Variants in TRDN observed in about 807,000 individuals in gnomAD.
TRDN encodes triadin.
TRDN carries 161 observed loss-of-function variants against 149.7 expected under a neutral mutation model. The ratio of observed to expected loss-of-function variants is 1.08; its 90% CI spans 0.95 to 1.23. The LOEUF (loss-of-function observed/expected upper bound fraction) is 1.23. TRDN is among the 50% of genes most tolerant of loss of function. The probability of loss-of-function intolerance (pLI) is 0.00; values close to 1 mark genes in which losing one functional copy is unlikely to be tolerated. For synonymous variants in TRDN, 294 were observed against 250.5 expected, an observed-to-expected ratio of 1.17 and a Z score of -1.64; for missense variants, 896 against 823.5, an observed-to-expected ratio of 1.09 and a Z score of -1.08.
At chr6:123,610,850 C>T (rs73540813) in intron 1 of TRDN, among the ~76,000 whole-genome samples, 1,560 of 152,168 alleles carry the variant, frequency 0.01, 26 homozygotes, top group African/African-American at 0.036. Flanking sequence ...AGTGGGACTC[C>T]TAGAGTCTAA....
intron 10 of TRDN, chr6:123,440,852 A>C (rs1470377090): frequency 1.3e-5 from 2 of 152,194 alleles, no homozygotes; most frequent in Non-Finnish European, 2.9e-5. Context: ...TCTACCCTTC[A>C]AATTAATATA....
intron 28 of TRDN, 123 bp downstream of exon 28, chr6:123,273,214 T>C: frequency 2.3e-6 from 2 of 866,220 alleles, no homozygotes; most frequent in Non-Finnish European, 3.4e-6. Context: ...ACTATAGTTT[T>C]CAAAACACAG....
intron 2 of TRDN, among the ~76,000 whole-genome samples, chr6:123,550,454 A>T (rs1339478491): frequency 6.6e-6 from 1 of 152,108 alleles, no homozygotes; most frequent in Non-Finnish European, 1.5e-5. Flanking sequence ...GGATTGGATG[A>T]CGAGGATGTC....
intron 12 of TRDN, among the ~76,000 whole-genome samples, chr6:123,407,585 A>G (rs999312397): frequency 1.3e-5 from 2 of 151,914 alleles, no homozygotes; most frequent in Non-Finnish European, 2.9e-5. Flanking sequence ...AAATTCCCAT[A>G]TGCATCTTGT....
intron 9 of TRDN, among the ~76,000 whole-genome samples, chr6:123,487,828 A>T (rs186215378): frequency 1.2e-3 from 185 of 152,180 alleles, no homozygotes; most frequent in African/African-American, 4.4e-3. Context: ...ATTTCTCAGC[A>T]CTTAGTCAAA....
intron 18 of TRDN, 33 bp from the exon 19 acceptor site, chr6:123,375,664 TAATTACA>T: frequency 6.8e-7 from 1 of 1,473,862 alleles, no homozygotes; most frequent in Non-Finnish European, 9.1e-7. Flanking sequence ...AGGTCAACAG[TAATTACA>T]AATCTGCTTA....
chr6:123,343,006 G>A (rs1040107111), intron 21 of TRDN, among the ~76,000 whole-genome samples: 10 of 152,040 alleles, frequency 6.6e-5, no homozygotes, highest in African/African-American at 2.4e-4. Context: ...TCTTTACACA[G>A]TAACCTGATC....
chr6:123,576,031 C>CACTGT (rs1314428840), intron 1 of TRDN, among the ~76,000 whole-genome samples: 1 of 152,118 alleles, frequency 6.6e-6, no homozygotes, highest in African/African-American at 2.4e-5. Flanking sequence ...AGTACTCTTA[C>CACTGT]ACTGTATCTC....
At chr6:123,604,669 G>T (rs1583313135) in intron 1 of TRDN, among the ~76,000 whole-genome samples, 2 of 152,214 alleles carry the variant, frequency 1.3e-5, no homozygotes, top group Admixed American at 1.3e-4. Flanking sequence ...GAGAGAAAGA[G>T]ATGGAATTTT....
chr6:123,634,333 T>C (rs986604483), intron 1 of TRDN, among the ~76,000 whole-genome samples: 5 of 151,818 alleles, frequency 3.3e-5, no homozygotes, highest in African/African-American at 4.8e-5. Flanking sequence ...CCTAACTACT[T>C]CTGATGCTGA....
At chr6:123,339,075 C>T (rs185394324) in intron 21 of TRDN, among the ~76,000 whole-genome samples, 2 of 151,694 alleles carry the variant, frequency 1.3e-5, no homozygotes, top group African/African-American at 4.8e-5. Context: ...TGCAGTGGCG[C>T]GATCTTGGCT....
chr6:123,469,326 GT>G (rs1329923940), intron 9 of TRDN, among the ~76,000 whole-genome samples: 7 of 152,132 alleles, frequency 4.6e-5, no homozygotes, highest in Non-Finnish European at 1.0e-4. Flanking sequence ...ACTTGCTTCT[GT>G]CTTGTACTTT....
chr6:123,366,228 G>C, intron 19 of TRDN, 46 bp from the exon 20 acceptor site: 1 of 1,533,236 alleles, frequency 6.5e-7, no homozygotes, highest in Non-Finnish European at 9.0e-7. Flanking sequence ...TATTAGTGAT[G>C]CCAAATTCAC....
At chr6:123,376,569 G>A (rs1226766611) in intron 18 of TRDN, among the ~76,000 whole-genome samples, 3 of 151,970 alleles carry the variant, frequency 2.0e-5, no homozygotes, top group African/African-American at 4.8e-5. Flanking sequence ...ACTATATAAG[G>A]TAGAAAAGGG....
At chr6:123,219,992 A>C (rs1382570825) in intron 40 of TRDN, among the ~76,000 whole-genome samples, 1 of 151,874 alleles carries the variant, frequency 6.6e-6, no homozygotes, top group East Asian at 1.9e-4. Context: ...CTACTCATTA[A>C]AATATTATTA....
At chr6:123,429,683 A>C (rs1774255107) in intron 12 of TRDN, among the ~76,000 whole-genome samples, 1 of 152,162 alleles carries the variant, frequency 6.6e-6, no homozygotes, top group Non-Finnish European at 1.5e-5. Context: ...CTGGTGTCTA[A>C]CTGACATTCC....
chr6:123,287,834 T>G (rs1364246785), intron 24 of TRDN, among the ~76,000 whole-genome samples: 1 of 152,096 alleles, frequency 6.6e-6, no homozygotes, highest in Non-Finnish European at 1.5e-5. Flanking sequence ...AGGTAATAAT[T>G]GGCTGTGTAT....
At chr6:123,546,633 C>A (rs1164027349) in intron 4 of TRDN, among the ~76,000 whole-genome samples, 1 of 152,088 alleles carries the variant, frequency 6.6e-6, no homozygotes, top group East Asian at 1.9e-4. Flanking sequence ...CTCCCCAGTG[C>A]CCCTTCCAGA....
At chr6:123,450,010 A>T (rs1280811002) in intron 10 of TRDN, among the ~76,000 whole-genome samples, 2 of 151,558 alleles carry the variant, frequency 1.3e-5, no homozygotes, top group African/African-American at 2.4e-5. Context: ...TTTCAGACAA[A>T]CAAATACTGA....
Sources: gnomAD v4.1 joint callset for allele counts (sites outside exome capture counted in the v4.1 genomes callset) on GRCh38, gnomAD v4.1.1 for gene constraint, MANE v1.5 for transcripts, NCBI Gene and HGNC (gene_info 2026-07-23, HGNC 2026-07-21) for gene names.